The following ACCSL variants were observed in gnomAD, a reference collection of about 807,000 sequenced individuals.
ACCSL encodes 1-aminocyclopropane-1-carboxylate synthase homolog (inactive) like.
In ACCSL, 55 loss-of-function variants were observed where a neutral mutation model predicts 61.7. The ratio of observed to expected loss-of-function variants is 0.89; its 90% CI spans 0.72 to 1.12. ACCSL has a LOEUF of 1.12. Ranked by LOEUF, ACCSL falls within the 50% of genes most tolerant of loss-of-function variation. The pLI is 0.00. For missense variants in ACCSL, 632 were observed against 698.0 expected (o/e 0.91, Z 1.07); for synonymous variants, 258 against 264.3 (o/e 0.98, Z 0.23).
Position 44,058,409 on chromosome 11 carries a change from C to T in ACCSL, c.1420C>T (p.Pro474Ser). ...TGCTGAGCTGAAGGCATTGGAGATC[C>T]CTTTTCACAACCGCAGCTCTGGCCT... is the stretch of plus-strand genomic sequence containing the variant. ...ITAELKALEI[P>S]FHNRSSGLYV... Residue 474 changes from proline to serine, a missense_variant, in exon 12 of 14, where the codon CCT (proline) becomes TCT (serine). Transcript: ENST00000378832. The T allele has an allele frequency of 1.2e-6, 2 of 1,614,108 alleles. No homozygotes were observed. The highest frequency in any genetic ancestry group is 8.5e-7 in the Non-Finnish European group (1 of 1,180,036).
At chr11:43,934,606 A>G in the ACCSL span, among the ~76,000 whole-genome samples, 1 of 151,906 alleles carries the variant, frequency 6.6e-6, no homozygotes, top group African/African-American at 2.4e-5. Flanking sequence ...TCTGAGACCC[A>G]CTCTAGGGAG....
At chr11:43,994,844 A>G in the ACCSL span, among the ~76,000 whole-genome samples, 1 of 152,042 alleles carries the variant, frequency 6.6e-6, no homozygotes, top group South Asian at 2.1e-4. Flanking sequence ...CATGTTGCCC[A>G]GGCTGGTCTT....
At chr11:44,017,773 A>C in the ACCSL span, among the ~76,000 whole-genome samples, 2 of 151,986 alleles carry the variant, frequency 1.3e-5, no homozygotes, top group Non-Finnish European at 1.5e-5. Flanking sequence ...CATGTAAAGT[A>C]ATTGTGTAAC....
At chr11:44,042,978 G>T in the ACCSL span, among the ~76,000 whole-genome samples, 1 of 151,640 alleles carries the variant, frequency 6.6e-6, no homozygotes, top group African/African-American at 2.4e-5. Context: ...AGTTACTCGG[G>T]ATGCTGAGGT....
intron 1 of ACCSL, 94 bp downstream of exon 1, chr11:44,048,634 T>G: frequency 6.0e-5 from 66 of 1,097,446 alleles, no homozygotes; most frequent in Non-Finnish European, 5.9e-5. Flanking sequence ...TATGCTCTCA[T>G]TCTTTATAGC....
the ACCSL span, among the ~76,000 whole-genome samples, chr11:43,975,990 T>G: frequency 6.6e-6 from 1 of 152,212 alleles, no homozygotes; most frequent in African/African-American, 2.4e-5. Flanking sequence ...TGAACAGGAC[T>G]GTCTATAGTT....
the ACCSL span, among the ~76,000 whole-genome samples, chr11:43,983,781 A>G: frequency 2.0e-4 from 30 of 151,400 alleles, no homozygotes; most frequent in Non-Finnish European, 3.5e-4. Flanking sequence ...GGGTTATGTG[A>G]CCTCCTTGGA....
chr11:44,044,826 C>A (rs968194028), upstream of ACCSL, among the ~76,000 whole-genome samples: 14 of 152,146 alleles, frequency 9.2e-5, no homozygotes, highest in Non-Finnish European at 1.9e-4. Flanking sequence ...CAGCTCTTGT[C>A]AAAAGGCTGC....
the ACCSL span, chr11:43,943,932 G>C: frequency 9.1e-7 from 1 of 1,102,860 alleles, no homozygotes; most frequent in Non-Finnish European, 1.2e-6. This position sits in a 1 kb window ranked among gnomAD's most constrained non-coding sequence, Gnocchi z 4.8. Flanking sequence ...AGGCTCCCAA[G>C]ACTCGGGGAG....
the ACCSL span, among the ~76,000 whole-genome samples, chr11:44,024,872 G>A: frequency 6.6e-6 from 1 of 151,988 alleles, no homozygotes; most frequent in African/African-American, 2.4e-5. Context: ...TGTTTGTTGG[G>A]TGCATAGATG....
chr11:43,974,418 A>G, the ACCSL span, among the ~76,000 whole-genome samples: 2 of 152,182 alleles, frequency 1.3e-5, no homozygotes, highest in Non-Finnish European at 2.9e-5. Flanking sequence ...CTCTTAAGAC[A>G]TTTGTCATTG....
chr11:43,988,798 T>G, the ACCSL span, among the ~76,000 whole-genome samples: 1 of 134,360 alleles, frequency 7.4e-6, no homozygotes. Context: ...GTCTGCTGAT[T>G]CTCTCTTCTT....
At chr11:43,947,980 G>A in the ACCSL span, among the ~76,000 whole-genome samples, 1 of 152,186 alleles carries the variant, frequency 6.6e-6, no homozygotes, top group African/African-American at 2.4e-5. Flanking sequence ...CCCTGCCTGG[G>A]CTTCAGCCTG....
chr11:44,001,723 G>T, the ACCSL span, among the ~76,000 whole-genome samples: 1 of 151,426 alleles, frequency 6.6e-6, no homozygotes, highest in Non-Finnish European at 1.5e-5. Context: ...GCCAGCCTTT[G>T]CCTGGGGTTC....
the ACCSL span, among the ~76,000 whole-genome samples, chr11:43,933,914 C>T: frequency 6.6e-6 from 1 of 152,204 alleles, no homozygotes; most frequent in Non-Finnish European, 1.5e-5. Flanking sequence ...GCCATGGCAG[C>T]CGCTGCAGCT....
At chr11:43,958,462 ACT>A in the ACCSL span, among the ~76,000 whole-genome samples, 1 of 152,008 alleles carries the variant, frequency 6.6e-6, no homozygotes, top group Non-Finnish European at 1.5e-5. Flanking sequence ...ATCCTGAAAG[ACT>A]CTGATCCCCA....
the ACCSL span, among the ~76,000 whole-genome samples, chr11:43,934,266 G>T: frequency 6.6e-6 from 1 of 152,190 alleles, no homozygotes; most frequent in Non-Finnish European, 1.5e-5. Context: ...TCTGAGTAAG[G>T]CTGAAGCAGT....
At chr11:44,004,561 T>C in the ACCSL span, among the ~76,000 whole-genome samples, 2 of 152,136 alleles carry the variant, frequency 1.3e-5, no homozygotes, top group Non-Finnish European at 2.9e-5. Flanking sequence ...AGCTGTTTTC[T>C]CCTTTCATTC....
the ACCSL span, among the ~76,000 whole-genome samples, chr11:44,011,967 G>A: frequency 6.6e-6 from 1 of 152,186 alleles, no homozygotes; most frequent in Admixed American, 6.5e-5. Flanking sequence ...AAGTATTTGT[G>A]TAATGAGTAC....
Sources: allele counts gnomAD v4.1 joint callset (sites outside exome capture counted in the v4.1 genomes callset), GRCh38; gene constraint gnomAD v4.1.1; non-coding constraint Gnocchi (gnomAD v3.1); transcripts MANE v1.5; gene names NCBI Gene and HGNC (gene_info 2026-07-23, HGNC 2026-07-21).